Variants in MYT1L observed in about 807,000 individuals in gnomAD.
MYT1L encodes myelin transcription factor 1 like.
Under a neutral mutation model 126.7 loss-of-function variants are expected in MYT1L, and 12 were observed. That is an observed-to-expected ratio of 0.09 (90% confidence interval 0.06 to 0.15). The LOEUF (loss-of-function observed/expected upper bound fraction) is 0.15, where lower values mean the gene tolerates loss of function less well. MYT1L is among the 10% of genes least tolerant of loss of function. The pLI, the probability that MYT1L is intolerant of heterozygous loss-of-function variation, is 1.00. For missense variants in MYT1L, 979 were observed against 1,585.2 expected, an observed-to-expected ratio of 0.62 and a Z score of 6.49; for synonymous variants, 541 against 604.2, an observed-to-expected ratio of 0.90 and a Z score of 1.53.
chr2:1,868,172 A>G (rs2045840603), intron 18 of MYT1L, among the ~76,000 whole-genome samples: 1 of 152,144 alleles, frequency 6.6e-6, no homozygotes. Context: ...CAGGTTGGCC[A>G]GGCTGGTTTT....
chr2:2,246,216 T>C (rs1313128046), intron 2 of MYT1L, among the ~76,000 whole-genome samples: 2 of 151,950 alleles, frequency 1.3e-5, no homozygotes, highest in South Asian at 2.1e-4. Context: ...ATGACAATCA[T>C]TTAGTAGGTT....
chr2:1,912,383 T>C lies in MYT1L; in HGVS notation c.1619-273A>G, dbSNP rs1440527640. Among the ~76,000 whole-genome samples the C allele has an allele frequency of 4.6e-5, 7 of 152,188 alleles. No individual in the cohort carries two copies. Among genetic ancestry groups the C allele is most frequent in the Non-Finnish European group, 8.8e-5 (6 of 68,036 alleles). On this transcript the variant is annotated intron_variant, in intron 11 of 24. Coordinates refer to ENST00000647738, the MANE Select transcript of MYT1L (RefSeq NM_001303052.2). The surrounding 1 kb of genome is among the most constrained non-coding windows in gnomAD (Gnocchi z 4.3). ...GAGAAAGAAGGTTGACGGGACTCTA[T>C]GCTAAGGGCCTCACACAGCAGAGGC...
At chr2:2,217,700 C>CAA (rs1168697652) in intron 2 of MYT1L, among the ~76,000 whole-genome samples, 1 of 72,686 alleles carries the variant, frequency 1.4e-5, no homozygotes, top group African/African-American at 7.7e-5. Flanking sequence ...ACAACAACAA[C>CAA]AACAACAAAA....
intron 5 of MYT1L, among the ~76,000 whole-genome samples, chr2:1,993,836 G>T (rs1196567396): frequency 6.6e-6 from 1 of 152,164 alleles, no homozygotes; most frequent in Non-Finnish European, 1.5e-5. Context: ...GTAAAGCCAC[G>T]TGTCTCGTCA....
intron 9 of MYT1L, among the ~76,000 whole-genome samples, chr2:1,941,270 C>T (rs1445641235): frequency 1.3e-5 from 2 of 152,186 alleles, no homozygotes; most frequent in Non-Finnish European, 2.9e-5. Context: ...GATTTCCTAT[C>T]TTAATCCGTC....
At chr2:2,031,518 C>A (rs1253511765) in intron 4 of MYT1L, among the ~76,000 whole-genome samples, 3 of 148,304 alleles carry the variant, frequency 2.0e-5, no homozygotes, top group Non-Finnish European at 3.0e-5. Flanking sequence ...CTTATACACA[C>A]CCCTCCCAAG....
chr2:1,967,896 A>G (rs1310501016), intron 8 of MYT1L, among the ~76,000 whole-genome samples: 2 of 152,176 alleles, frequency 1.3e-5, no homozygotes, highest in Non-Finnish European at 2.9e-5. Flanking sequence ...CACTTCCGCA[A>G]AGAGTCCTGC....
intron 19 of MYT1L, among the ~76,000 whole-genome samples, chr2:1,849,414 G>A (rs1355863745): frequency 2.6e-5 from 4 of 152,160 alleles, no homozygotes; most frequent in Non-Finnish European, 5.9e-5. Flanking sequence ...CGACTCACTC[G>A]TGTTCTACCA....
intron 2 of MYT1L, among the ~76,000 whole-genome samples, chr2:2,240,424 G>T (rs2094415914): frequency 6.6e-6 from 1 of 152,022 alleles, no homozygotes; most frequent in South Asian, 2.1e-4. Context: ...AAATGATCAA[G>T]AAAATATGGG....
intron 21 of MYT1L, among the ~76,000 whole-genome samples, chr2:1,809,563 G>A (rs1250442938): frequency 6.6e-6 from 1 of 152,128 alleles, no homozygotes; most frequent in Non-Finnish European, 1.5e-5. Flanking sequence ...AGAAAGGTTG[G>A]GTTTAAAAGT....
At chr2:2,100,262 C>T (rs1378379964) in intron 3 of MYT1L, among the ~76,000 whole-genome samples, 1 of 152,080 alleles carries the variant, frequency 6.6e-6, no homozygotes, top group Admixed American at 6.5e-5. Flanking sequence ...GAAGCGGGCA[C>T]CAGTGAGGGT....
chr2:1,964,575 T>C (rs558192826), intron 8 of MYT1L, among the ~76,000 whole-genome samples: 1 of 152,362 alleles, frequency 6.6e-6, no homozygotes, highest in African/African-American at 2.4e-5. Flanking sequence ...TTGTTTATTT[T>C]TATTCTTTGA....
At chr2:2,197,367 A>C (rs1486688797) in intron 2 of MYT1L, among the ~76,000 whole-genome samples, 1 of 152,160 alleles carries the variant, frequency 6.6e-6, no homozygotes, top group Non-Finnish European at 1.5e-5. Flanking sequence ...CTCCAAAACA[A>C]GACAGAAAAG....
chr2:1,993,783 C>T lies in MYT1L; in HGVS notation c.-1+3408G>A, dbSNP rs146266021. ...ATGTGATCATGCTGGTTTCTGGAAG[C>T]GCTGGTCACCTTTAATTTTATTCCG... On this transcript the variant is annotated intron_variant, in intron 5 of 24. Transcript: ENST00000647738. Among the ~76,000 whole-genome samples the T allele has an allele frequency of 3.2e-3, 491 of 152,272 alleles. 1 individual carries two copies. The highest frequency in any genetic ancestry group is 0.011 in the African/African-American group (465 of 41,548).
chr2:1,861,997 A>ATCTGCCTGCAGCCTGTGTAATCCTGG (rs1558192114), intron 18 of MYT1L, among the ~76,000 whole-genome samples: 6 of 151,360 alleles, frequency 4.0e-5, no homozygotes, highest in Admixed American at 1.3e-4. Context: ...GTAATCCTGG[A>ATCTGCCTGCAGCCTGTGTAATCCTGG]ATTCGCTGAG....
At chr2:1,807,879 C>A (rs1465037159) in intron 22 of MYT1L, among the ~76,000 whole-genome samples, 1 of 152,134 alleles carries the variant, frequency 6.6e-6, no homozygotes, top group Non-Finnish European at 1.5e-5. Context: ...TTATAGTTCC[C>A]ATAACCTCCA....
rs36078892 is a variant in MYT1L, at chr2:1,902,975, T to C, written c.2032+105A>G. On this transcript the variant is annotated intron_variant, in intron 14 of 24. Transcript: ENST00000647738. ...AAAGTCCTGTTCTTTTGGTACCCAT[T>C]GAGTGACCACCACCGCTCAACTAAT... is the stretch of plus-strand genomic sequence containing the variant. 62,709 of 1,054,866 alleles carry C rather than the reference T, an allele frequency of 0.059. 2,046 individuals are homozygous for C. The highest frequency in any genetic ancestry group is 0.068 in the Non-Finnish European group (47,150 of 696,012). 65.3% of individuals were successfully genotyped at this position (1,054,866 alleles called of 1,614,324 possible).
At chr2:2,116,900 G>T (rs2080287812) in intron 3 of MYT1L, among the ~76,000 whole-genome samples, 1 of 152,226 alleles carries the variant, frequency 6.6e-6, no homozygotes, top group Admixed American at 6.5e-5. Flanking sequence ...CATCAGCCCA[G>T]CAGTTGTCAG....
intron 4 of MYT1L, among the ~76,000 whole-genome samples, chr2:2,032,943 C>T (rs2066525397): frequency 6.8e-6 from 1 of 147,868 alleles, no homozygotes; most frequent in Non-Finnish European, 1.5e-5. Context: ...TCGCCAGTGC[C>T]TCTCACCCTG....
Sources: allele counts gnomAD v4.1 joint callset (sites outside exome capture counted in the v4.1 genomes callset), GRCh38; gene constraint gnomAD v4.1.1; non-coding constraint Gnocchi (gnomAD v3.1); transcripts MANE v1.5; gene names NCBI Gene and HGNC (gene_info 2026-07-23, HGNC 2026-07-21).